TSNARE1: variants seen among roughly 807,000 people sequenced by gnomAD.
TSNARE1 encodes t-SNARE domain containing 1.
TSNARE1 carries 49 observed loss-of-function variants against 62.0 expected under a neutral mutation model. That is an observed-to-expected ratio of 0.79 (90% confidence interval 0.63 to 1.00). TSNARE1 has a LOEUF of 1.00. TSNARE1 is among the 50% of genes least tolerant of loss of function. TSNARE1 has a pLI of 0.00. For synonymous variants in TSNARE1, 328 were observed against 294.4 expected, an observed-to-expected ratio of 1.11 and a Z score of -1.17; for missense variants, 755 against 700.1, an observed-to-expected ratio of 1.08 and a Z score of -0.88.
chr8:142,316,141 G>T (rs1355054840), intron 7 of TSNARE1, among the ~76,000 whole-genome samples: 1 of 147,140 alleles, frequency 6.8e-6, no homozygotes, highest in African/African-American at 2.4e-5. Context: ...TTGGATGAAG[G>T]AGTAAATGAA....
chr8:142,395,294 C>T (rs1837818561), intron 1 of TSNARE1, among the ~76,000 whole-genome samples: 1 of 152,178 alleles, frequency 6.6e-6, no homozygotes, highest in African/African-American at 2.4e-5. Context: ...ATCTGCAGCC[C>T]TCTCTCTACC....
chr8:142,392,419 CGT>C (rs1837597466), intron 1 of TSNARE1, among the ~76,000 whole-genome samples: 1 of 152,200 alleles, frequency 6.6e-6, no homozygotes, highest in Admixed American at 6.5e-5. Flanking sequence ...TCAAGTCTTA[CGT>C]AGCGTATGTG....
At chr8:142,235,755 G>A (rs540454219) in intron 12 of TSNARE1, among the ~76,000 whole-genome samples, 3 of 152,298 alleles carry the variant, frequency 2.0e-5, no homozygotes, top group South Asian at 2.1e-4. Flanking sequence ...AGGCGGCAGC[G>A]GGTGAGAGCA....
At chr8:142,223,251 CTCAT>C (rs1816556775) in intron 13 of TSNARE1, among the ~76,000 whole-genome samples, 2 of 111,644 alleles carry the variant, frequency 1.8e-5, no homozygotes, top group African/African-American at 5.5e-5. Context: ...CACTCACTCA[CTCAT>C]TCACTCACTC....
chr8:142,216,968 G>A (rs747587076), intron 13 of TSNARE1, among the ~76,000 whole-genome samples: 2 of 152,158 alleles, frequency 1.3e-5, no homozygotes, highest in Non-Finnish European at 2.9e-5. Context: ...TAAGGACCGG[G>A]CGCGGTGGCT....
intron 12 of TSNARE1, among the ~76,000 whole-genome samples, chr8:142,266,275 C>T (rs1819128500): frequency 6.6e-6 from 1 of 152,102 alleles, no homozygotes; most frequent in African/African-American, 2.4e-5. Flanking sequence ...TTTTTAAAAC[C>T]TTAATGAGGA....
intron 9 of TSNARE1, among the ~76,000 whole-genome samples, chr8:142,312,403 T>C (rs1333376375): frequency 1.3e-5 from 2 of 152,214 alleles, no homozygotes; most frequent in Admixed American, 6.5e-5. Context: ...GCAGAGATTC[T>C]AGATGATGGG....
At chr8:142,238,284 C>T (rs986810120) in intron 12 of TSNARE1, among the ~76,000 whole-genome samples, 1 of 152,138 alleles carries the variant, frequency 6.6e-6, no homozygotes, top group African/African-American at 2.4e-5. Context: ...GGGCTCCTAG[C>T]GGCTCACATC....
chr8:142,257,174 C>T (rs1818626896), intron 12 of TSNARE1, among the ~76,000 whole-genome samples: 1 of 152,230 alleles, frequency 6.6e-6, no homozygotes. Flanking sequence ...CAGCACAGTG[C>T]CCACTTCGGG....
intron 13 of TSNARE1, among the ~76,000 whole-genome samples, chr8:142,226,231 C>T (rs1298465050): frequency 6.6e-6 from 1 of 152,188 alleles, no homozygotes; most frequent in Non-Finnish European, 1.5e-5. Flanking sequence ...ATTACCAGGG[C>T]TGGTTTCCGG....
At chr8:142,343,804 G>GGAGGGGA (rs1563952729) in intron 4 of TSNARE1, among the ~76,000 whole-genome samples, 162 bp downstream of exon 4, 1 of 71,106 alleles carries the variant, frequency 1.4e-5, no homozygotes, top group African/African-American at 1.4e-4. Context: ...AGGGGGAGGA[G>GGAGGGGA]GAGGAGGAGG....
chr8:142,353,497 G>A (rs1308455418), intron 2 of TSNARE1, among the ~76,000 whole-genome samples: 1 of 152,180 alleles, frequency 6.6e-6, no homozygotes, highest in Non-Finnish European at 1.5e-5. Flanking sequence ...GCAAGATGAG[G>A]AGGGGCACTT....
upstream of TSNARE1, among the ~76,000 whole-genome samples, chr8:142,403,472 G>C (rs1403673048): frequency 2.6e-5 from 4 of 152,184 alleles, no homozygotes; most frequent in South Asian, 2.1e-4. Context: ...GAGGCGCTTC[G>C]GGAGCGGGCT....
At chr8:142,313,935 C>T (rs539640509) in intron 9 of TSNARE1, among the ~76,000 whole-genome samples, 252 of 152,310 alleles carry the variant, frequency 1.7e-3, no homozygotes, top group African/African-American at 5.8e-3. Context: ...CTCGCCACCA[C>T]GCCTAGCTAA....
intron 12 of TSNARE1, among the ~76,000 whole-genome samples, chr8:142,245,748 G>A (rs766209889): frequency 1.3e-5 from 2 of 152,222 alleles, no homozygotes; most frequent in Non-Finnish European, 2.9e-5. Flanking sequence ...AGGTTGGGGT[G>A]AGGGCAGAGG....
intron 12 of TSNARE1, among the ~76,000 whole-genome samples, chr8:142,260,873 A>G (rs916318542): frequency 1.4e-5 from 2 of 147,144 alleles, no homozygotes; most frequent in Non-Finnish European, 3.0e-5. Flanking sequence ...TGGGTCAGGG[A>G]GGGAAGGGAA....
At chr8:142,374,001 A>C (rs1235535737) in intron 1 of TSNARE1, among the ~76,000 whole-genome samples, 1 of 152,158 alleles carries the variant, frequency 6.6e-6, no homozygotes, top group Admixed American at 6.5e-5. Flanking sequence ...GTGAGGAAAA[A>C]AATTAAAAGA....
chr8:142,257,858 G>A (rs1818662150), intron 12 of TSNARE1, among the ~76,000 whole-genome samples: 1 of 152,144 alleles, frequency 6.6e-6, no homozygotes, highest in Non-Finnish European at 1.5e-5. Flanking sequence ...CCCACAGCCA[G>A]AAAGTGAGGC....
chr8:142,287,907 C>T (rs1823035065), intron 10 of TSNARE1, among the ~76,000 whole-genome samples: 1 of 152,162 alleles, frequency 6.6e-6, no homozygotes, highest in South Asian at 2.1e-4. Flanking sequence ...GTGGGCCGCC[C>T]TCCAGGTCGT....
Sources: allele counts gnomAD v4.1 joint callset (sites outside exome capture counted in the v4.1 genomes callset), GRCh38; gene constraint gnomAD v4.1.1; transcripts MANE v1.5; gene names NCBI Gene and HGNC (gene_info 2026-07-23, HGNC 2026-07-21).